WAPL: variants seen among roughly 807,000 people sequenced by gnomAD.
WAPL encodes the protein wings apart-like protein homolog.
In WAPL, 5 loss-of-function variants were observed where a neutral mutation model predicts 121.0. The observed-to-expected ratio is 0.04, with a 90% confidence interval of 0.02 to 0.09. The LOEUF is 0.09. Among genes scored for constraint, WAPL ranks in the 10% least tolerant of loss-of-function variants. The pLI, the probability that WAPL is intolerant of heterozygous loss-of-function variation, is 1.00. For missense variants in WAPL, 999 were observed against 1,410.8 expected (o/e 0.71, Z 4.68); for synonymous variants, 480 against 481.5 (o/e 1.00, Z 0.04).
intron 2 of WAPL, among the ~76,000 whole-genome samples, chr10:86,517,130 C>T (rs1842569804): frequency 6.6e-6 from 1 of 152,156 alleles, no homozygotes; most frequent in Admixed American, 6.5e-5. Flanking sequence ...CTTTAAATGT[C>T]TCCACTCAAT....
At chr10:86,519,086 A>G (rs1414335803) in intron 1 of WAPL, among the ~76,000 whole-genome samples, 2 of 152,074 alleles carry the variant, frequency 1.3e-5, no homozygotes. Context: ...TTCCTTTTCA[A>G]TTTATAAATG....
chr10:86,455,072 G>A (rs1254961762), intron 12 of WAPL, among the ~76,000 whole-genome samples: 117 of 147,930 alleles, frequency 7.9e-4, no homozygotes, highest in Middle Eastern at 3.8e-3. Context: ...GAGGTGGGGG[G>A]CAGCCCCCGC....
chr10:86,472,628 C>A lies in WAPL; in HGVS notation c.1877G>T (p.Arg626Ile). 1 of 1,613,620 alleles carries A rather than the reference C, an allele frequency of 6.2e-7. No homozygotes were observed. Among genetic ancestry groups the A allele is most frequent in the South Asian group, 1.1e-5 (1 of 90,998 alleles). ...GCTGCTTACTTCTTTGTCTTCTCGTCTGCATTTCAGTGCAGTAACTATATC... is the reference window on the plus strand; with the variant it reads ...GCTGCTTACTTCTTTGTCTTCTCGTATGCATTTCAGTGCAGTAACTATATC... Reference protein sequence around the residue: ...YQDIVTALKCRREDKELYTVV... With the variant: ...YQDIVTALKCIREDKELYTVV... Residue 626 changes from arginine (R) to isoleucine (I), a missense_variant, in exon 6 of 19, where the codon AGA becomes ATA. By Grantham distance (97) the Arg-to-Ile change is moderately conservative. Transcript: ENST00000298767. This position sits in a 1 kb window ranked among gnomAD's most constrained non-coding sequence, Gnocchi z 4.2.
At position 86,467,746 on chromosome 10, in the gene WAPL, G is replaced by A. The variant is rs369330521; in HGVS notation, c.2143-240C>T. On this transcript the variant is annotated intron_variant, in intron 8 of 18. Transcript: ENST00000298767. ...GGCTGGAGTGCAGTGGCGCAATCTC[G>A]GCTCACTGCAGCTTCCACCTCCCAG... is the stretch of plus-strand genomic sequence containing the variant. Among the ~76,000 whole-genome samples, 193 of 149,874 alleles carry A rather than the reference G, an allele frequency of 1.3e-3. 1 individual carries two copies. Among genetic ancestry groups the A allele is most frequent in the African/African-American group, 4.2e-3 (172 of 40,630 alleles).
At chr10:86,484,126 GTTTGT>G (rs1170820410) in intron 4 of WAPL, among the ~76,000 whole-genome samples, 1 of 152,156 alleles carries the variant, frequency 6.6e-6, no homozygotes, top group Admixed American at 6.5e-5. Context: ...AGTACAGTGT[GTTTGT>G]TTTAAGCTAT....
At chr10:86,484,392 C>T (rs908927956) in intron 4 of WAPL, among the ~76,000 whole-genome samples, 5 of 151,874 alleles carry the variant, frequency 3.3e-5, no homozygotes, top group African/African-American at 1.2e-4. Context: ...CTACTAGGGA[C>T]GCTGAGGTGG....
chr10:86,503,574 AACTCCG>A (rs1842287531), intron 2 of WAPL, among the ~76,000 whole-genome samples: 1 of 151,752 alleles, frequency 6.6e-6, no homozygotes, highest in Non-Finnish European at 1.5e-5. Context: ...AACACAGTGA[AACTCCG>A]TCTCTACTAA....
chr10:86,505,014 T>C (rs963490754), intron 2 of WAPL, among the ~76,000 whole-genome samples: 1 of 152,152 alleles, frequency 6.6e-6, no homozygotes, highest in Non-Finnish European at 1.5e-5. Context: ...AGTTTGATTA[T>C]AGCATTCAAG....
Position 86,471,040 on chromosome 10 carries a change from C to T in WAPL, c.2094G>A (p.Gly698=), listed in dbSNP as rs774720434. 2.5e-6 allele frequency: 4 copies of T among 1,613,862 alleles called. No individual in the cohort carries two copies. In the Admixed American group the frequency reaches 6.7e-5, roughly 27 times the overall value. Residue 698 remains glycine (G), a synonymous_variant, in exon 8 of 19, where the codon GGG becomes GGA. Transcript: ENST00000298767. Reference sequence around the variant, plus strand: ...AGGTTTTAAAGACCATTGCTACCATCCCATGTGCTCTCAGGTGCATTCGAA... The same window carrying T: ...AGGTTTTAAAGACCATTGCTACCATTCCATGTGCTCTCAGGTGCATTCGAA... ...PSFRMHLRAH[G]MVAMVFKTLD... is the part of the protein sequence containing the mutation.
At chr10:86,475,050 AAGTC>A (rs1307150464) in intron 4 of WAPL, among the ~76,000 whole-genome samples, 2 of 152,216 alleles carry the variant, frequency 1.3e-5, no homozygotes, top group Non-Finnish European at 2.9e-5. Flanking sequence ...CAAAGATGTA[AAGTC>A]CCTCACACAT....
chr10:86,462,581 G>A (rs572980075), intron 9 of WAPL, among the ~76,000 whole-genome samples: 8 of 151,924 alleles, frequency 5.3e-5, no homozygotes, highest in Non-Finnish European at 1.0e-4. Flanking sequence ...TTAGCTGGGC[G>A]TGGTGGTGGG....
chr10:86,445,804 C>A (rs193223303), intron 16 of WAPL, among the ~76,000 whole-genome samples: 2 of 152,068 alleles, frequency 1.3e-5, no homozygotes, highest in Non-Finnish European at 2.9e-5. Context: ...CAGGTGTGAG[C>A]CACCAGCCTA....
At position 86,521,729 on chromosome 10, in the gene WAPL, A is replaced by C; in HGVS notation, c.-387T>G. On this transcript the variant is annotated 5_prime_UTR_variant, in exon 1 of 19. It removes an upstream start codon present in the reference 5' UTR. Transcript: ENST00000298767. ...TGGAGTTTGAACAGGGCCCTGAACC[A>C]TCTCAACGCCATTTGCGCTCCCGGC... The C allele has an allele frequency of 2.2e-6, 1 of 451,614 alleles. No individual in the cohort carries two copies. Among genetic ancestry groups the C allele is most frequent in the Non-Finnish European group, 4.6e-6 (1 of 219,176 alleles). The allele number at this position is 451,614 out of a possible 1,614,324, so 28.0% of individuals were successfully genotyped here. A position where few individuals can be genotyped will look rare whatever the true frequency, so the allele number is the denominator to read the frequency against.
chr10:86,458,575 A>G (rs1841202998), intron 12 of WAPL, among the ~76,000 whole-genome samples: 1 of 152,198 alleles, frequency 6.6e-6, no homozygotes, highest in South Asian at 2.1e-4. Flanking sequence ...CACAAATGAT[A>G]CAAAAGATAC....
Position 86,500,456 on chromosome 10 carries a change from T to A in WAPL, c.787A>T (p.Met263Leu). The A allele has an allele frequency of 6.2e-7, 1 of 1,614,174 alleles. No homozygotes were observed. The highest frequency in any genetic ancestry group is 1.1e-5 in the South Asian group (1 of 91,084). The change falls in exon 3 of 19, where the codon ATG (methionine) becomes TTG (leucine). Residue 263 changes from methionine (M) to leucine (L), a missense_variant. Transcript: ENST00000298767. ...CGATTTTTAAAATCGTCATCCTTCA[T>A]CTCCAAAAGGGGATCACTATCCAAA... Reference protein sequence around the residue: ...LSLDSDPLLEMKDDDFKNRLE... With the variant: ...LSLDSDPLLELKDDDFKNRLE...
chr10:86,469,145 G>T (rs113564549), intron 8 of WAPL, among the ~76,000 whole-genome samples: 50 of 150,778 alleles, frequency 3.3e-4, no homozygotes, highest in African/African-American at 1.1e-3. Context: ...AAATTAGCCT[G>T]GCGTAGTGGC....
chr10:86,519,459 G>A (rs1180018757), intron 1 of WAPL, among the ~76,000 whole-genome samples: 2 of 152,034 alleles, frequency 1.3e-5, no homozygotes, highest in African/African-American at 2.4e-5. Context: ...CATTTATAAT[G>A]AGTCACTGTC....
intron 4 of WAPL, among the ~76,000 whole-genome samples, chr10:86,477,124 G>A (rs553067477): frequency 1.3e-5 from 2 of 152,168 alleles, no homozygotes; most frequent in South Asian, 4.1e-4. Flanking sequence ...AGATATTGAA[G>A]ACACATCTAA....
chr10:86,452,273 A>C, intron 14 of WAPL, 142 bp from the exon 15 acceptor site: 1 of 711,498 alleles, frequency 1.4e-6, no homozygotes. Flanking sequence ...CCAGTATGAA[A>C]GGCCAAAAAG....
Sources: gnomAD v4.1 joint callset for allele counts (sites outside exome capture counted in the v4.1 genomes callset) on GRCh38, gnomAD v4.1.1 for gene constraint, Gnocchi (gnomAD v3.1) non-coding constraint, MANE v1.5 for transcripts, NCBI Gene and HGNC (gene_info 2026-07-23, HGNC 2026-07-21) for gene names.